WDR17: variants seen among roughly 807,000 people sequenced by gnomAD.
WDR17 encodes the protein WD repeat domain 17.
WDR17 carries 143 observed loss-of-function variants against 161.7 expected under a neutral mutation model. The ratio of observed to expected loss-of-function variants is 0.88; its 90% CI spans 0.77 to 1.02. The LOEUF (loss-of-function observed/expected upper bound fraction) is 1.02. Ranked by LOEUF, WDR17 falls within the 50% of genes least tolerant of loss-of-function variation. WDR17 has a pLI of 0.00. For synonymous variants in WDR17, 517 were observed against 515.6 expected (o/e 1.00, Z -0.04); for missense variants, 1,469 against 1,520.9 (o/e 0.97, Z 0.57).
intron 1 of WDR17, among the ~76,000 whole-genome samples, chr4:176,100,366 CA>C (rs1443334257): frequency 2.0e-5 from 3 of 151,978 alleles, no homozygotes; most frequent in Admixed American, 2.0e-4. Flanking sequence ...ACCTCTTGGC[CA>C]TTTGTATGTC....
chr4:176,085,954 C>T (rs1054913342), intron 1 of WDR17, among the ~76,000 whole-genome samples: 1 of 151,956 alleles, frequency 6.6e-6, no homozygotes, highest in African/African-American at 2.4e-5. Flanking sequence ...TCCTCCCCCA[C>T]TCAAGCATTA....
intron 23 of WDR17, among the ~76,000 whole-genome samples, chr4:176,171,281 C>A (rs958909096): frequency 6.6e-6 from 1 of 152,114 alleles, no homozygotes; most frequent in African/African-American, 2.4e-5. Context: ...TTCTTATAGT[C>A]TATTTAAAAA....
rs559808053 is a variant in WDR17, at chr4:176,108,523, C to G, written c.-6-3052C>G. Among the ~76,000 whole-genome samples the G allele has an allele frequency of 1.8e-3, 280 of 152,176 alleles. 1 individual carries two copies. Among genetic ancestry groups the G allele is most frequent in the Non-Finnish European group, 3.3e-3 (227 of 68,004 alleles). ...CCTATCATTACACATTTGTCAAAAC[C>G]TGTATGATGGAGAACATCAAGAATG... On this transcript the variant is annotated intron_variant, in intron 1 of 28. Transcript: ENST00000508596.
intron 2 of WDR17, 110 bp downstream of exon 2, chr4:176,111,813 T>G (rs998494501): frequency 1.9e-6 from 2 of 1,033,296 alleles, no homozygotes; most frequent in South Asian, 7.5e-5. Flanking sequence ...ATAATTCCAT[T>G]TATATTTATA....
At chr4:176,069,035 G>T (rs1732883202) in intron 1 of WDR17, among the ~76,000 whole-genome samples, 1 of 152,124 alleles carries the variant, frequency 6.6e-6, no homozygotes. Flanking sequence ...AGAAAGATTT[G>T]AAAAGTTTCC....
chr4:176,076,207 CATATATAATATATATATATATATATAT>C (rs141012803), intron 1 of WDR17, among the ~76,000 whole-genome samples: 26,941 of 131,164 alleles, frequency 0.21, 2,828 homozygotes, highest in South Asian at 0.27. Context: ...TGTATGTTTA[CATATATAATATATATATATATATATAT>C]ATATATATAT....
chr4:176,131,961 T>C (rs1192867487), intron 7 of WDR17, among the ~76,000 whole-genome samples: 1 of 152,108 alleles, frequency 6.6e-6, no homozygotes, highest in Non-Finnish European at 1.5e-5. Flanking sequence ...AATGTCTACT[T>C]ATATTTTATG....
At chr4:176,118,722 A>T (rs1475529873) in intron 3 of WDR17, among the ~76,000 whole-genome samples, 1 of 151,928 alleles carries the variant, frequency 6.6e-6, no homozygotes, top group African/African-American at 2.4e-5. Flanking sequence ...TGGTTTCTAA[A>T]CCTTTCTGCA....
intron 20 of WDR17, 90 bp from the exon 21 acceptor site, chr4:176,161,985 G>T: frequency 9.3e-7 from 1 of 1,072,042 alleles, no homozygotes; most frequent in Non-Finnish European, 1.3e-6. Context: ...ATTTTATTTG[G>T]TCTTTTTATC....
intron 1 of WDR17, among the ~76,000 whole-genome samples, chr4:176,089,741 C>G (rs963275153): frequency 6.6e-6 from 1 of 152,084 alleles, no homozygotes; most frequent in East Asian, 1.9e-4. Context: ...TTGGACAGAA[C>G]TGGGGACTAA....
rs1739766657 is a variant in WDR17 at position 176,111,664 on chromosome 4, G to T, written c.84G>T (p.Arg28Ser). 6.2e-7 allele frequency: 1 copy of T among 1,609,030 alleles called. No individual in the cohort carries two copies. The highest frequency in any genetic ancestry group is 8.5e-7 in the Non-Finnish European group (1 of 1,176,922). Residue 28 changes from arginine to serine, a missense_variant, in exon 2 of 29, where the codon AGG becomes AGT. Transcript: ENST00000508596. Reference sequence around the variant, plus strand: ...ATGTATGTGCTGCCAGTGGAGACAGGTTTGCATATTGTGCGACCCTGGCTA... The same window carrying T: ...ATGTATGTGCTGCCAGTGGAGACAGTTTTGCATATTGTGCGACCCTGGCTA... ...NKDVCAASGD[R>S]FAYCATLAIY...
At chr4:176,160,724 T>C (rs1748907191) in intron 19 of WDR17, among the ~76,000 whole-genome samples, 187 bp from the exon 20 acceptor site, 2 of 152,212 alleles carry the variant, frequency 1.3e-5, no homozygotes, top group African/African-American at 4.8e-5. Context: ...TTAGTAATAA[T>C]TCACTTGAAG....
At chr4:176,089,177 A>G (rs1358877855) in intron 1 of WDR17, among the ~76,000 whole-genome samples, 3 of 152,082 alleles carry the variant, frequency 2.0e-5, no homozygotes, top group African/African-American at 7.2e-5. Flanking sequence ...CTAATGTTTT[A>G]TAGCAGCAAA....
intron 18 of WDR17, among the ~76,000 whole-genome samples, chr4:176,157,945 G>C (rs142164130): frequency 0.015 from 2,254 of 152,296 alleles, 29 homozygotes; most frequent in Middle Eastern, 0.034. Flanking sequence ...TTAGGAAGCA[G>C]AGTACAGGAA....
At chr4:176,140,804 A>G (rs539286541) in intron 10 of WDR17, among the ~76,000 whole-genome samples, 41 of 145,436 alleles carry the variant, frequency 2.8e-4, no homozygotes, top group Non-Finnish European at 4.2e-4. Context: ...AGAAACAACA[A>G]TATTAGTGAT....
chr4:176,103,280 C>T (rs1738112442), intron 1 of WDR17, among the ~76,000 whole-genome samples: 1 of 152,052 alleles, frequency 6.6e-6, no homozygotes, highest in Non-Finnish European at 1.5e-5. Context: ...ATCCTTGACA[C>T]AGACAGCCCA....
intron 1 of WDR17, among the ~76,000 whole-genome samples, chr4:176,101,246 G>A (rs1737778303): frequency 6.6e-6 from 1 of 152,068 alleles, no homozygotes; most frequent in Non-Finnish European, 1.5e-5. Flanking sequence ...CACCTAAGCA[G>A]GGCTGGGGGT....
chr4:176,167,373 G>A (rs926544972), intron 22 of WDR17, among the ~76,000 whole-genome samples: 2 of 151,802 alleles, frequency 1.3e-5, no homozygotes, highest in African/African-American at 2.4e-5. Flanking sequence ...TTGGCCGGGC[G>A]CGGTGGCTCA....
At chr4:176,142,156 A>G in intron 11 of WDR17, 87 bp downstream of exon 11, 6 of 1,047,182 alleles carry the variant, frequency 5.7e-6, no homozygotes, top group Non-Finnish European at 7.2e-6. Flanking sequence ...TTCCAAAGGT[A>G]ATATCTATCA....
Sources: gnomAD v4.1 joint callset for allele counts (sites outside exome capture counted in the v4.1 genomes callset) on GRCh38, gnomAD v4.1.1 for gene constraint, MANE v1.5 for transcripts, NCBI Gene and HGNC (gene_info 2026-07-23, HGNC 2026-07-21) for gene names.